KCNQ3: variants seen among roughly 807,000 people sequenced by gnomAD.
The protein encoded by KCNQ3 is potassium voltage-gated channel subfamily Q member 3, also known as potassium voltage-gated channel subfamily KQT member 3.
KCNQ3 carries 30 observed loss-of-function variants against 92.5 expected under a neutral mutation model. The observed-to-expected ratio is 0.32, with a 90% CI of 0.24 to 0.44. The LOEUF (loss-of-function observed/expected upper bound fraction) is 0.44, where lower values mean the gene tolerates loss of function less well. Ranked by LOEUF, KCNQ3 falls within the 20% of genes least tolerant of loss-of-function variation. The pLI is 1.00. For synonymous variants in KCNQ3, 450 were observed against 468.8 expected (o/e 0.96, Z 0.52); for missense variants, 913 against 1,140.3 (o/e 0.80, Z 2.87).
At chr8:132,197,227 C>A (rs372599979) in intron 1 of KCNQ3, among the ~76,000 whole-genome samples, 2 of 152,178 alleles carry the variant, frequency 1.3e-5, no homozygotes, top group African/African-American at 4.8e-5. Context: ...ACCTGCTCTA[C>A]GCATGCCATA....
At chr8:132,221,380 G>A (rs1306547921) in intron 1 of KCNQ3, among the ~76,000 whole-genome samples, 1 of 152,204 alleles carries the variant, frequency 6.6e-6, no homozygotes, top group Admixed American at 6.5e-5. Context: ...AGATCCTTGA[G>A]GAACTGCCAC....
intron 1 of KCNQ3, among the ~76,000 whole-genome samples, chr8:132,421,329 T>C (rs954845149): frequency 2.0e-5 from 3 of 152,178 alleles, no homozygotes; most frequent in African/African-American, 7.2e-5. Context: ...TTCCAACAGT[T>C]CATCACAAAT....
intron 1 of KCNQ3, among the ~76,000 whole-genome samples, chr8:132,435,539 G>A (rs1821370685): frequency 1.3e-5 from 2 of 152,208 alleles, no homozygotes; most frequent in African/African-American, 2.4e-5. Context: ...GCACCTTTGG[G>A]GGATATGTTT....
rs571760609 is a variant in KCNQ3, at chr8:132,211,796, C to CA, written c.387-25616dup. ...TGACACCCCATCTCCACTAAAAATA[C>CA]AAAAAAATTAGCCAGGCATGGTGGC... On this transcript the variant is annotated intron_variant, in intron 1 of 14. Transcript: ENST00000388996. 1.5e-3 allele frequency among the ~76,000 whole-genome samples: 222 copies of CA among 151,622 alleles called. 2 individuals carry two copies. The highest frequency in any genetic ancestry group is 5.1e-3 in the African/African-American group (210 of 41,368).
chr8:132,366,370 T>C (rs1819321982), intron 1 of KCNQ3, among the ~76,000 whole-genome samples: 1 of 152,212 alleles, frequency 6.6e-6, no homozygotes, highest in Non-Finnish European at 1.5e-5. Flanking sequence ...TTTCCAGGCA[T>C]TAATTATGTT....
chr8:132,363,484 C>T (rs7821360), intron 1 of KCNQ3, among the ~76,000 whole-genome samples: 16,329 of 151,878 alleles, frequency 0.11, 949 homozygotes, highest in South Asian at 0.15. Context: ...CAAAAGTGGG[C>T]CTTATACAGA....
intron 1 of KCNQ3, among the ~76,000 whole-genome samples, chr8:132,273,224 T>C (rs1293997678): frequency 6.6e-6 from 1 of 152,216 alleles, no homozygotes; most frequent in African/African-American, 2.4e-5. Context: ...ATCCAGGTAT[T>C]TCCAAACATC....
At chr8:132,405,271 G>A (rs1820445980) in intron 1 of KCNQ3, among the ~76,000 whole-genome samples, 2 of 152,166 alleles carry the variant, frequency 1.3e-5, no homozygotes, top group African/African-American at 2.4e-5. Flanking sequence ...CAGCCCTCAT[G>A]CTGCAAGGGC....
chr8:132,244,107 C>T (rs181120909), intron 1 of KCNQ3, among the ~76,000 whole-genome samples: 1 of 152,294 alleles, frequency 6.6e-6, no homozygotes, highest in Non-Finnish European at 1.5e-5. Context: ...AATCTCAGAA[C>T]TGGTCAGGGT....
In KCNQ3 at chr8:132,292,742, T is replaced by C. The variant is rs73710513; in HGVS notation, c.387-106561A>G. On this transcript the variant is annotated intron_variant, in intron 1 of 14. Transcript: ENST00000388996. ...CTCCTAACTCCCATAGTCCTTGTTA[T>C]AATATTGGGGCACTTTGGGCCTCAG... Among the ~76,000 whole-genome samples, 1,240 of 152,268 alleles carry C rather than the reference T, an allele frequency of 8.1e-3. 16 individuals carry two copies. The highest frequency in any genetic ancestry group is 0.029 in the African/African-American group (1,193 of 41,542).
intron 3 of KCNQ3, among the ~76,000 whole-genome samples, chr8:132,183,505 C>A (rs1563792922): frequency 1.3e-5 from 2 of 150,680 alleles, no homozygotes; most frequent in Admixed American, 6.6e-5. Flanking sequence ...TCCTGTAATT[C>A]CAACCTTCCC....
intron 1 of KCNQ3, among the ~76,000 whole-genome samples, chr8:132,303,101 A>T (rs1482899794): frequency 6.6e-6 from 1 of 152,200 alleles, no homozygotes; most frequent in Non-Finnish European, 1.5e-5. Context: ...AGAGGGCAGC[A>T]GGCTGGCCCA....
At chr8:132,307,122 G>T (rs1196861258) in intron 1 of KCNQ3, among the ~76,000 whole-genome samples, 1 of 152,202 alleles carries the variant, frequency 6.6e-6, no homozygotes, top group Non-Finnish European at 1.5e-5. Flanking sequence ...TCAAAGAGAT[G>T]AAAACTTGGA....
intron 1 of KCNQ3, among the ~76,000 whole-genome samples, chr8:132,239,337 C>G (rs1814914781): frequency 6.6e-6 from 1 of 152,180 alleles, no homozygotes; most frequent in Non-Finnish European, 1.5e-5. Context: ...CACATTCTCA[C>G]ACATGAATAA....
intron 1 of KCNQ3, 139 bp from the exon 2 acceptor site, chr8:132,186,320 C>T: frequency 1.4e-6 from 1 of 690,190 alleles, no homozygotes. Context: ...CTATCCCATT[C>T]AATCTTCACG....
At chr8:132,339,321 T>C (rs1047602251) in intron 1 of KCNQ3, among the ~76,000 whole-genome samples, 3 of 152,206 alleles carry the variant, frequency 2.0e-5, no homozygotes, top group Non-Finnish European at 4.4e-5. Context: ...TATTCATTCA[T>C]TCCACCAACT....
intron 1 of KCNQ3, among the ~76,000 whole-genome samples, chr8:132,193,168 C>T (rs979643972): frequency 7.9e-5 from 12 of 152,224 alleles, no homozygotes; most frequent in Admixed American, 7.2e-4. Context: ...GAGCCAATAG[C>T]AGCCTTCTGT....
intron 1 of KCNQ3, among the ~76,000 whole-genome samples, chr8:132,420,032 C>G (rs908010876): frequency 6.6e-6 from 1 of 152,184 alleles, no homozygotes; most frequent in Non-Finnish European, 1.5e-5. Flanking sequence ...GTTCTGGATA[C>G]TGGAAGTCCA....
rs1323423318 is a variant in KCNQ3 at position 132,186,938 on chromosome 8, G to C, written c.387-757C>G. 3.8e-5 allele frequency among the ~76,000 whole-genome samples: 4 copies of C among 104,466 alleles called. No homozygotes were observed. The East Asian group carries it at 9.5e-4, about 25-fold the overall frequency. 68.5% of individuals were successfully genotyped at this position (104,466 alleles called of 152,430 possible). A position where few individuals can be genotyped will look rare whatever the true frequency, so the allele number is the denominator to read the frequency against. On this transcript the variant is annotated intron_variant, in intron 1 of 14. Transcript: ENST00000388996. ...TGTGTGTGTGTGTGTGTGTGTGAGA[G>C]AGAGAGAGAGAGAGAGACAGAGAGA... is the stretch of plus-strand genomic sequence containing the variant.
Sources: gnomAD v4.1 joint callset for allele counts (sites outside exome capture counted in the v4.1 genomes callset) on GRCh38, gnomAD v4.1.1 for gene constraint, MANE v1.5 for transcripts, NCBI Gene and HGNC (gene_info 2026-07-23, HGNC 2026-07-21) for gene names.